Variants in ROCK2 observed in about 807,000 individuals in gnomAD.
ROCK2 encodes the protein rho-associated protein kinase 2.
Under a neutral mutation model 195.1 loss-of-function variants are expected in ROCK2, and 61 were observed. The observed-to-expected ratio is 0.31, with a 90% CI of 0.25 to 0.39. The LOEUF (loss-of-function observed/expected upper bound fraction) is 0.39, where lower values mean the gene tolerates loss of function less well. Ranked by LOEUF, ROCK2 falls within the 10% of genes least tolerant of loss-of-function variation. The probability of loss-of-function intolerance (pLI) is 1.00; values close to 1 mark genes in which losing one functional copy is unlikely to be tolerated. For missense variants in ROCK2, 1,109 were observed against 1,637.4 expected, an observed-to-expected ratio of 0.68 and a Z score of 5.57; for synonymous variants, 504 against 545.5, an observed-to-expected ratio of 0.92 and a Z score of 1.06.
chr2:11,344,352 G>T lies in ROCK2; in HGVS notation c.-216C>A. On this transcript the variant is annotated 5_prime_UTR_variant, in exon 1 of 33. Transcript: ENST00000315872. This position sits in a 1 kb window ranked among gnomAD's most constrained non-coding sequence, Gnocchi z 5.4. ...GCCCGGCCCAGCCCGGCCCGGCCCT[G>T]CCGGGAGCGGCGGGGAACAGACGGC... 2 of 1,179,364 alleles carry T rather than the reference G, an allele frequency of 1.7e-6. No homozygotes were observed. 73.1% of individuals were successfully genotyped at this position (1,179,364 alleles called of 1,614,324 possible).
chr2:11,198,618 G>A, intron 24 of ROCK2, 33 bp from the exon 25 acceptor site: 1 of 1,590,348 alleles, frequency 6.3e-7, no homozygotes, highest in Non-Finnish European at 8.6e-7. Flanking sequence ...AATTACATTG[G>A]TAATTACAGC....
chr2:11,252,615 G>A (rs1572311137), intron 3 of ROCK2, among the ~76,000 whole-genome samples: 1 of 152,170 alleles, frequency 6.6e-6, no homozygotes, highest in Admixed American at 6.5e-5. Flanking sequence ...GGAATACTAT[G>A]CAGCCATAAA....
intron 3 of ROCK2, among the ~76,000 whole-genome samples, chr2:11,264,217 C>T (rs916024342): frequency 6.6e-6 from 1 of 152,108 alleles, no homozygotes; most frequent in African/African-American, 2.4e-5. Flanking sequence ...TTAATAGTAA[C>T]AATGGTGAAA....
At chr2:11,221,451 A>G in intron 8 of ROCK2, 94 bp from the exon 9 acceptor site, 1 of 902,728 alleles carries the variant, frequency 1.1e-6, no homozygotes, top group Non-Finnish European at 1.5e-6. Context: ...ATTTAATAAC[A>G]CTATATAAAT....
intron 20 of ROCK2, among the ~76,000 whole-genome samples, chr2:11,202,900 T>C (rs770167397): frequency 2.6e-5 from 4 of 152,096 alleles, no homozygotes; most frequent in African/African-American, 4.8e-5. Context: ...TGATCAGCCA[T>C]TTATGCCAAC....
intron 1 of ROCK2, among the ~76,000 whole-genome samples, chr2:11,310,890 T>A (rs933272394): frequency 4.6e-5 from 7 of 152,018 alleles, no homozygotes; most frequent in Non-Finnish European, 8.8e-5. Context: ...ATTCTTGTAA[T>A]AAAGCAAGGA....
At chr2:11,334,617 T>TAAAAAA (rs1668868195) in intron 1 of ROCK2, among the ~76,000 whole-genome samples, 1 of 149,688 alleles carries the variant, frequency 6.7e-6, no homozygotes, top group Non-Finnish European at 1.5e-5. Context: ...GTGCATTAAA[T>TAAAAAA]AAAAATAAAC....
At chr2:11,210,604 G>T (rs951905527) in intron 18 of ROCK2, among the ~76,000 whole-genome samples, 1 of 152,166 alleles carries the variant, frequency 6.6e-6, no homozygotes, top group African/African-American at 2.4e-5. Context: ...GCCTCCCAAA[G>T]TGCTAGGATT....
chr2:11,217,927 T>C (rs1364916380), intron 11 of ROCK2: 1 of 152,800 alleles, frequency 6.5e-6, no homozygotes, highest in African/African-American at 2.4e-5. Flanking sequence ...ATCTACTTGA[T>C]ACAGAAAATG....
chr2:11,332,044 G>A (rs980259523), intron 1 of ROCK2, among the ~76,000 whole-genome samples: 1 of 152,154 alleles, frequency 6.6e-6, no homozygotes, highest in African/African-American at 2.4e-5. Context: ...TTGGGAGGCT[G>A]AGGTAGGAGG....
At position 11,197,432 on chromosome 2, in the gene ROCK2, TAG is replaced by T; in HGVS notation, c.3280-86_3280-85del. The T allele has an allele frequency of 1.3e-6, 2 of 1,528,330 alleles. No individual in the cohort carries two copies. The highest frequency in any genetic ancestry group is 1.8e-6 in the Non-Finnish European group (2 of 1,120,782). The allele number at this position is 1,528,330 out of a possible 1,614,324, so 94.7% of individuals were successfully genotyped here. A position where few individuals can be genotyped will look rare whatever the true frequency, so the allele number is the denominator to read the frequency against. On this transcript the variant is annotated intron_variant, in intron 26 of 32. Transcript: ENST00000315872. The surrounding 1 kb of genome is among the most constrained non-coding windows in gnomAD (Gnocchi z 4.9). Reference sequence around the variant, plus strand: ...TCTTGGTTCAATAATAATTATTAAATAGAAATGGTCTATAACCAGTAAAACAC... The same window carrying T: ...TCTTGGTTCAATAATAATTATTAAATAAATGGTCTATAACCAGTAAAACAC...
At chr2:11,323,620 A>G (rs1036549691) in intron 1 of ROCK2, among the ~76,000 whole-genome samples, 1 of 152,220 alleles carries the variant, frequency 6.6e-6, no homozygotes, top group Non-Finnish European at 1.5e-5. Flanking sequence ...ATTTTAAACC[A>G]TATTTGAATT....
At chr2:11,217,343 C>T (rs746489583) in intron 11 of ROCK2, 174 bp from the exon 12 acceptor site, 12 of 707,206 alleles carry the variant, frequency 1.7e-5, no homozygotes, top group Non-Finnish European at 3.2e-5. Flanking sequence ...GAAAAACTCC[C>T]CCATCTCTTG....
chr2:11,219,862 T>C (rs1025727807), intron 9 of ROCK2, among the ~76,000 whole-genome samples: 16 of 44,464 alleles, frequency 3.6e-4, no homozygotes, highest in African/African-American at 8.9e-4. Flanking sequence ...CAAAACTCAC[T>C]TTTTTTTTTT....
At chr2:11,200,442 G>A (rs181955773) in intron 23 of ROCK2, among the ~76,000 whole-genome samples, 2 of 152,238 alleles carry the variant, frequency 1.3e-5, no homozygotes, top group East Asian at 3.9e-4. Flanking sequence ...AGTGATTTGT[G>A]TACTGCCACT....
chr2:11,340,635 T>C (rs1362076337), intron 1 of ROCK2, among the ~76,000 whole-genome samples: 2 of 152,322 alleles, frequency 1.3e-5, no homozygotes, highest in South Asian at 4.1e-4. Flanking sequence ...TTCTTACTTA[T>C]TACATGATGG....
rs1191245056 is a variant in ROCK2 at position 11,190,917 on chromosome 2, C to A, written c.4163+1231G>T. On this transcript the variant is annotated intron_variant, in intron 32 of 32. Transcript: ENST00000315872. ...AATTCTGAGTTTCTTTAGCTTTAGT[C>A]AATAATCATTAATTTTGTTTAGTTT... Among the ~76,000 whole-genome samples the A allele has an allele frequency of 2.0e-5, 3 of 152,126 alleles. No individual in the cohort carries two copies. The South Asian group carries it at 6.2e-4, about 31-fold the overall frequency.
intron 1 of ROCK2, among the ~76,000 whole-genome samples, chr2:11,300,514 T>C (rs1667671635): frequency 1.3e-5 from 2 of 152,322 alleles, no homozygotes; most frequent in East Asian, 1.9e-4. Context: ...TCCACCTGCC[T>C]TGGCCTCCCA....
chr2:11,309,983 A>G (rs1667983551), intron 1 of ROCK2, among the ~76,000 whole-genome samples: 1 of 152,224 alleles, frequency 6.6e-6, no homozygotes, highest in Non-Finnish European at 1.5e-5. Context: ...AACAAAAAAA[A>G]GAAAAGAAAT....
Sources: allele counts gnomAD v4.1 joint callset (sites outside exome capture counted in the v4.1 genomes callset), GRCh38; gene constraint gnomAD v4.1.1; non-coding constraint Gnocchi (gnomAD v3.1); transcripts MANE v1.5; gene names NCBI Gene and HGNC (gene_info 2026-07-23, HGNC 2026-07-21).